Variants in FOCAD observed in about 807,000 individuals in gnomAD.
FOCAD encodes the protein KIAA1797.
FOCAD carries 198 observed loss-of-function variants against 225.6 expected under a neutral mutation model. That is an observed-to-expected ratio of 0.88 (90% CI 0.78 to 0.99). FOCAD has a LOEUF of 0.99. Among genes scored for constraint, FOCAD ranks in the 50% least tolerant of loss-of-function variants. The probability of loss-of-function intolerance (pLI) is 0.00; values close to 1 mark genes in which losing one functional copy is unlikely to be tolerated. For missense variants in FOCAD, 2,713 were observed against 2,123.6 expected (o/e 1.28, Z -5.46); for synonymous variants, 897 against 755.0 (o/e 1.19, Z -3.08).
In FOCAD at chr9:20,758,791, A is replaced by G. The variant is rs540896051; in HGVS notation, c.494+600A>G. 2.0e-4 allele frequency among the ~76,000 whole-genome samples: 31 copies of G among 152,266 alleles called. 1 individual carries two copies. The highest frequency in any genetic ancestry group is 7.5e-4 in the African/African-American group (31 of 41,536). Reference sequence around the variant, plus strand: ...GGGCAATTAGGCAGGAGAAGGAAATAAAGGGTATTCAATTATGAAAAGAGG... The same window carrying G: ...GGGCAATTAGGCAGGAGAAGGAAATGAAGGGTATTCAATTATGAAAAGAGG... On this transcript the variant is annotated intron_variant, in intron 6 of 43. Coordinates refer to ENST00000338382, the MANE Select transcript of FOCAD (RefSeq NM_001375567.1).
At chr9:20,781,335 T>G (rs1819338775) in intron 9 of FOCAD, among the ~76,000 whole-genome samples, 1 of 152,240 alleles carries the variant, frequency 6.6e-6, no homozygotes, top group East Asian at 1.9e-4. Flanking sequence ...AATAGGATTC[T>G]TAGCTGCCTT....
At chr9:20,782,952 G>T (rs564083933) in intron 10 of FOCAD, among the ~76,000 whole-genome samples, 8 of 152,188 alleles carry the variant, frequency 5.3e-5, no homozygotes, top group Non-Finnish European at 1.0e-4. Flanking sequence ...TAATCGATTT[G>T]AATTGAGAGA....
rs749715616 is a variant in FOCAD, at chr9:20,764,862, C to G, written c.495-7C>G. The G allele has an allele frequency of 2.2e-5, 35 of 1,610,426 alleles. No homozygotes were observed. The East Asian group carries it at 7.4e-4, about 34-fold the overall frequency. ...AATAACTGGCTAATGTATTTCATGT[C>G]TTATAGGTTAGAAGTTTCATGCATT... On this transcript the variant is annotated splice_polypyrimidine_tract_variant and splice_region_variant and intron_variant, in intron 6 of 43. Transcript: ENST00000338382.
chr9:20,825,782 TTAA>T (rs1205034896), intron 15 of FOCAD, among the ~76,000 whole-genome samples: 1 of 152,114 alleles, frequency 6.6e-6, no homozygotes, highest in Non-Finnish European at 1.5e-5. Flanking sequence ...TTATTGCTGC[TTAA>T]TTATTTATCC....
chr9:20,916,745 C>T, intron 23 of FOCAD, 148 bp from the exon 24 acceptor site: 8 of 692,734 alleles, frequency 1.2e-5, no homozygotes, highest in Non-Finnish European at 1.9e-5. Context: ...GCCCTTATTA[C>T]AGTTCTTTCA....
chr9:20,968,591 G>A (rs1416742023), intron 35 of FOCAD, among the ~76,000 whole-genome samples: 1 of 151,590 alleles, frequency 6.6e-6, no homozygotes, highest in East Asian at 1.9e-4. Flanking sequence ...ACAGGCGTCT[G>A]CCACCATGCC....
At position 20,995,668 on chromosome 9, in the gene FOCAD, A is replaced by G. The variant is rs776559047; in HGVS notation, c.*39A>G. On this transcript the variant is annotated 3_prime_UTR_variant, in exon 44 of 44. Coordinates refer to ENST00000338382, the MANE Select transcript of FOCAD (RefSeq NM_001375567.1). ...AACCAGCAGCATTCTCAGCTGGATG[A>G]GGAAAACCATATAAGTGGAAGAAGT... 1 of 1,567,824 alleles carries G rather than the reference A, an allele frequency of 6.4e-7. No individual in the cohort carries two copies. The highest frequency in any genetic ancestry group is 8.8e-7 in the Non-Finnish European group (1 of 1,139,442).
At chr9:20,844,349 CTTT>C (rs58468376) in intron 15 of FOCAD, among the ~76,000 whole-genome samples, 2 of 77,246 alleles carry the variant, frequency 2.6e-5, no homozygotes, top group Non-Finnish European at 4.5e-5. Flanking sequence ...AGGAAATTTC[CTTT>C]TTTTTTTTTT....
rs137946149 is a variant in FOCAD, at chr9:20,951,796, C to T, written c.4051+698C>T. 3.3e-5 allele frequency among the ~76,000 whole-genome samples: 5 copies of T among 152,296 alleles called. No individual in the cohort carries two copies. The East Asian group carries it at 7.7e-4, about 23-fold the overall frequency. On this transcript the variant is annotated intron_variant, in intron 34 of 43. Coordinates refer to ENST00000338382, the MANE Select transcript of FOCAD (RefSeq NM_001375567.1). Reference sequence around the variant, plus strand: ...TCTGGGGAAGGCATGACCGTTAATACATCTGCTCCTTGCTCTTTATAGAAT... The same window carrying T: ...TCTGGGGAAGGCATGACCGTTAATATATCTGCTCCTTGCTCTTTATAGAAT...
intron 5 of FOCAD, among the ~76,000 whole-genome samples, chr9:20,743,215 A>G (rs1343492654): frequency 6.6e-6 from 1 of 152,234 alleles, no homozygotes; most frequent in Non-Finnish European, 1.5e-5. Context: ...TAAAAGGGAT[A>G]TGAGAAACTT....
chr9:20,835,095 C>A (rs1587350329), intron 15 of FOCAD, among the ~76,000 whole-genome samples: 1 of 116,236 alleles, frequency 8.6e-6, no homozygotes, highest in Admixed American at 1.0e-4. Flanking sequence ...TACCTTTATA[C>A]CTGTATTTAC....
Position 20,753,156 on chromosome 9 carries a change from C to T in FOCAD, c.393-4934C>T, listed in dbSNP as rs199691988. Among the ~76,000 whole-genome samples the T allele has an allele frequency of 5.9e-5, 9 of 152,190 alleles. No homozygotes were observed. In the South Asian group the frequency reaches 8.3e-4, roughly 14 times the overall value. On this transcript the variant is annotated intron_variant, in intron 5 of 43. Transcript: ENST00000338382. ...CCTAACTGAATACTCTTTATTTCCT[C>T]CTCCTGCCTAATTGCCCTGGCCAGA...
In FOCAD at chr9:20,929,366, T is replaced by G; in HGVS notation, c.3087T>G (p.Tyr1029Ter). The change falls in exon 27 of 44, where the codon TAT becomes TAG. Residue 1029 changes from tyrosine (Y) to a stop codon, truncating the protein, a stop_gained. Coordinates refer to ENST00000338382, the MANE Select transcript of FOCAD (RefSeq NM_001375567.1). LOFTEE classifies it high-confidence loss of function. Reference sequence around the variant, plus strand: ...TCTTTGGCATGTCCTAGAAGTCCTATTCTGGTGAAAACACAGCTAGTGCCA... The same window carrying G: ...TCTTTGGCATGTCCTAGAAGTCCTAGTCTGGTGAAAACACAGCTAGTGCCA... ...QLLSWFYYKS[Y>*]SGENTASAIA... 1 of 1,613,962 alleles carries G rather than the reference T, an allele frequency of 6.2e-7. No individual in the cohort carries two copies. The highest frequency in any genetic ancestry group is 1.1e-5 in the South Asian group (1 of 91,074).
At chr9:20,939,713 TTTTA>T (rs1048890412) in intron 28 of FOCAD, among the ~76,000 whole-genome samples, 2 of 151,220 alleles carry the variant, frequency 1.3e-5, no homozygotes, top group Non-Finnish European at 3.0e-5. Flanking sequence ...TTTTTTTTGT[TTTTA>T]TTTTTTATTT....
At chr9:20,658,097 A>T (rs1458234603), upstream of FOCAD, among the ~76,000 whole-genome samples, 1 of 150,368 alleles carries the variant, frequency 6.7e-6, no homozygotes, top group Middle Eastern at 3.2e-3. Flanking sequence ...CTCAGGGGTC[A>T]GGGGTCAGGG....
chr9:20,768,931 G>T (rs959878945), intron 7 of FOCAD, among the ~76,000 whole-genome samples: 2 of 152,110 alleles, frequency 1.3e-5, no homozygotes, highest in African/African-American at 4.8e-5. Context: ...AGATTAGAGA[G>T]CCTTTAATGC....
At chr9:20,911,782 A>G (rs1833459869) in intron 22 of FOCAD, among the ~76,000 whole-genome samples, 1 of 152,010 alleles carries the variant, frequency 6.6e-6, no homozygotes, top group Non-Finnish European at 1.5e-5. Flanking sequence ...CATGTCCTTA[A>G]CTCTTCAATG....
rs189523689 is a variant in FOCAD, at chr9:20,810,193, T to G, written c.1456-9603T>G. 2.6e-5 allele frequency among the ~76,000 whole-genome samples: 4 copies of G among 152,300 alleles called. No homozygotes were observed. In the East Asian group the frequency reaches 7.7e-4, roughly 29 times the overall value. On this transcript the variant is annotated intron_variant, in intron 11 of 43. Coordinates refer to ENST00000338382, the MANE Select transcript of FOCAD (RefSeq NM_001375567.1). The stretch of plus-strand genomic sequence containing the variant: ...AGTCACACAGGGTGTACTGAATTCC[T>G]TCAGCATTGAATGATGGCAACATGT...
rs866461211 is a variant in FOCAD, at chr9:20,826,772, G to C, written c.1920+3657G>C. On this transcript the variant is annotated intron_variant, in intron 15 of 43. Coordinates refer to ENST00000338382, the MANE Select transcript of FOCAD (RefSeq NM_001375567.1). ...TCTCAAGACTCTTCCCAAGTCTCAT[G>C]CTCTTTGGTTACTCCCGGGCTTGTT... 4.6e-5 allele frequency among the ~76,000 whole-genome samples: 7 copies of C among 152,104 alleles called. No individual in the cohort carries two copies. In the South Asian group the frequency reaches 6.2e-4, roughly 13 times the overall value.
Sources: allele counts gnomAD v4.1 joint callset (sites outside exome capture counted in the v4.1 genomes callset), GRCh38; gene constraint gnomAD v4.1.1; transcripts MANE v1.5; gene names NCBI Gene and HGNC (gene_info 2026-07-23, HGNC 2026-07-21).